Variants in FBXO36 observed in about 807,000 individuals in gnomAD.
FBXO36 encodes the protein F-box protein 36.
Under a neutral mutation model 17.0 loss-of-function variants are expected in FBXO36, and 18 were observed. The observed-to-expected ratio is 1.06, with a 90% CI of 0.73 to 1.57. The LOEUF is 1.57. FBXO36 is among the 40% of genes most tolerant of loss of function. FBXO36 has a pLI of 0.00. For synonymous variants in FBXO36, 83 were observed against 85.3 expected (o/e 0.97, Z 0.15); for missense variants, 229 against 221.9 (o/e 1.03, Z -0.20).
chr2:230,000,050 G>C (rs1420035616), intron 3 of FBXO36, among the ~76,000 whole-genome samples: 3 of 151,938 alleles, frequency 2.0e-5, no homozygotes, highest in African/African-American at 7.3e-5. Context: ...TTTTGTGCTT[G>C]GTGCTGATAA....
intron 1 of FBXO36, among the ~76,000 whole-genome samples, chr2:229,951,008 G>A (rs1340010890): frequency 1.3e-5 from 2 of 151,832 alleles, no homozygotes; most frequent in African/African-American, 2.4e-5. Flanking sequence ...ATCTTGGCTC[G>A]CTGCAACCTC....
rs189100678 is a variant in FBXO36, at chr2:230,004,240, C to T, written c.379-6456C>T. On this transcript the variant is annotated intron_variant, in intron 3 of 3. Transcript: ENST00000283946. ...TTGATTGGCTTTTGTGCTTGCTTGC[C>T]CCACCCCCTTGACTTGTCTCTCTGC... is the stretch of plus-strand genomic sequence containing the variant. Among the ~76,000 whole-genome samples the T allele has an allele frequency of 3.0e-3, 452 of 152,266 alleles. 1 individual carries two copies. The highest frequency in any genetic ancestry group is 4.7e-3 in the Non-Finnish European group (318 of 68,014).
chr2:229,941,314 G>C (rs1326176508), intron 1 of FBXO36, among the ~76,000 whole-genome samples: 1 of 152,112 alleles, frequency 6.6e-6, no homozygotes, highest in African/African-American at 2.4e-5. Flanking sequence ...AATTAGCTGG[G>C]TGTGGTGGCA....
chr2:229,975,785 A>G (rs919589114), intron 1 of FBXO36, among the ~76,000 whole-genome samples: 1 of 77,208 alleles, frequency 1.3e-5, no homozygotes, highest in African/African-American at 5.2e-5. Context: ...CTTTGACCTG[A>G]TCTATTTTAT....
intron 2 of FBXO36, among the ~76,000 whole-genome samples, chr2:229,977,745 C>T (rs539950629): frequency 1.4e-4 from 22 of 152,252 alleles, no homozygotes; most frequent in African/African-American, 4.6e-4. Flanking sequence ...CCACTGCACC[C>T]GGCCAGAATG....
At chr2:229,940,783 G>C (rs561189982) in intron 1 of FBXO36, among the ~76,000 whole-genome samples, 1 of 152,266 alleles carries the variant, frequency 6.6e-6, no homozygotes, top group East Asian at 1.9e-4. Context: ...CAGAAGGAAG[G>C]AGCATGGCCT....
intron 1 of FBXO36, chr2:229,938,018 A>C (rs2076973982): frequency 6.6e-6 from 1 of 152,406 alleles, no homozygotes; most frequent in African/African-American, 2.4e-5. Context: ...CCCAGGGTGG[A>C]GTGCAGTGGA....
At chr2:229,992,057 T>G (rs973031522) in intron 2 of FBXO36, among the ~76,000 whole-genome samples, 2 of 152,182 alleles carry the variant, frequency 1.3e-5, no homozygotes, top group Non-Finnish European at 2.9e-5. Flanking sequence ...TCTCTTATCT[T>G]TTACTTTAAG....
At chr2:229,991,341 A>C (rs2077296887) in intron 2 of FBXO36, among the ~76,000 whole-genome samples, 1 of 151,930 alleles carries the variant, frequency 6.6e-6, no homozygotes. Flanking sequence ...CATATGTCAA[A>C]CCCCTGACTC....
chr2:229,992,927 T>C (rs2077305202), intron 2 of FBXO36, among the ~76,000 whole-genome samples: 1 of 152,168 alleles, frequency 6.6e-6, no homozygotes, highest in Non-Finnish European at 1.5e-5. Flanking sequence ...ATTTCTTGTC[T>C]CATGGACCTC....
chr2:229,988,743 T>C (rs921863036), intron 2 of FBXO36, among the ~76,000 whole-genome samples: 5 of 151,722 alleles, frequency 3.3e-5, no homozygotes, highest in African/African-American at 1.2e-4. Context: ...TCCATGTTGC[T>C]CAGGCTGGTC....
At chr2:230,007,774 T>C (rs2077394616) in intron 3 of FBXO36, among the ~76,000 whole-genome samples, 1 of 152,214 alleles carries the variant, frequency 6.6e-6, no homozygotes, top group Middle Eastern at 3.4e-3. Context: ...TTTTTGTATT[T>C]TAGTAGAGAC....
intron 2 of FBXO36, among the ~76,000 whole-genome samples, chr2:229,977,795 G>A (rs1015035882): frequency 2.6e-5 from 4 of 152,056 alleles, no homozygotes; most frequent in African/African-American, 9.7e-5. Context: ...CCCATCTTCA[G>A]CAATACTCAA....
intron 1 of FBXO36, among the ~76,000 whole-genome samples, chr2:229,925,966 A>G (rs1443015077): frequency 1.3e-5 from 2 of 151,960 alleles, no homozygotes; most frequent in Non-Finnish European, 2.9e-5. Flanking sequence ...CCAGCTTTAG[A>G]AAAAATAGTG....
intron 1 of FBXO36, among the ~76,000 whole-genome samples, chr2:229,935,843 A>G (rs1282858832): frequency 1.3e-5 from 2 of 152,186 alleles, no homozygotes; most frequent in African/African-American, 2.4e-5. Flanking sequence ...CTGAGGAGCA[A>G]AAGTATGTAG....
chr2:229,948,417 A>C (rs945699072), intron 1 of FBXO36, among the ~76,000 whole-genome samples: 1 of 151,888 alleles, frequency 6.6e-6, no homozygotes, highest in East Asian at 1.9e-4. Flanking sequence ...AAATTAGTAC[A>C]TTCTTCCTGT....
intron 2 of FBXO36, among the ~76,000 whole-genome samples, chr2:229,990,770 C>T (rs1282072085): frequency 6.6e-6 from 1 of 152,088 alleles, no homozygotes; most frequent in African/African-American, 2.4e-5. Context: ...TATTTCTATT[C>T]TTTGGAACAA....
intron 1 of FBXO36, among the ~76,000 whole-genome samples, chr2:229,975,523 C>T (rs773734441): frequency 6.7e-6 from 1 of 149,718 alleles, no homozygotes; most frequent in African/African-American, 2.5e-5. Context: ...GGCTGGAGTA[C>T]AGTGGTGCGA....
At chr2:229,987,428 A>G (rs915502052) in intron 2 of FBXO36, among the ~76,000 whole-genome samples, 1 of 151,824 alleles carries the variant, frequency 6.6e-6, no homozygotes, top group East Asian at 1.9e-4. Flanking sequence ...TTCTTAATTA[A>G]TCTTGCCAGG....
Sources: allele counts gnomAD v4.1 joint callset (sites outside exome capture counted in the v4.1 genomes callset), GRCh38; gene constraint gnomAD v4.1.1; transcripts MANE v1.5; gene names NCBI Gene and HGNC (gene_info 2026-07-23, HGNC 2026-07-21).